The following RHEB variants were observed in gnomAD, a reference collection of about 807,000 sequenced individuals.
RHEB encodes the protein GTP-binding protein Rheb.
A neutral mutation model predicts 28.8 loss-of-function variants in RHEB; 2 were observed. That is an observed-to-expected ratio of 0.07 (90% confidence interval 0.03 to 0.22). RHEB has a LOEUF of 0.22. RHEB is among the 10% of genes least tolerant of loss of function. RHEB has a pLI of 1.00. For synonymous variants in RHEB, 69 were observed against 77.3 expected (o/e 0.89, Z 0.56); for missense variants, 76 against 219.9 (o/e 0.35, Z 4.14).
chr7:151,476,777 T>C (rs1802279608), intron 4 of RHEB, among the ~76,000 whole-genome samples: 1 of 152,208 alleles, frequency 6.6e-6, no homozygotes, highest in Non-Finnish European at 1.5e-5. Flanking sequence ...GCTGTTCTGT[T>C]AACAGACACA....
At chr7:151,480,174 T>C (rs1277792886) in intron 3 of RHEB, among the ~76,000 whole-genome samples, 2 of 152,188 alleles carry the variant, frequency 1.3e-5, no homozygotes, top group African/African-American at 4.8e-5. Context: ...AGTTTTCCTA[T>C]GTGCATTATT....
rs555074220 is a variant in RHEB at position 151,491,692 on chromosome 7, G to A, written c.53-678C>T. ...GCAGAGGCTGCAGTGGGCCAAGATT[G>A]CACCACTGCACTCAAGCCTGGGCGA... On this transcript the variant is annotated intron_variant, in intron 1 of 7. Coordinates refer to ENST00000262187, the MANE Select transcript of RHEB (RefSeq NM_005614.4). Among the ~76,000 whole-genome samples, 11 of 151,560 alleles carry A rather than the reference G, an allele frequency of 7.3e-5. No homozygotes were observed. The East Asian group carries it at 2.1e-3, about 29-fold the overall frequency.
intron 1 of RHEB, chr7:151,503,034 A>T: frequency 1.3e-6 from 1 of 786,004 alleles, no homozygotes; most frequent in Non-Finnish European, 2.4e-6. Context: ...TACTTTGATG[A>T]AATCACCCAG....
intron 1 of RHEB, chr7:151,502,302 C>G (rs1373225697): frequency 2.7e-6 from 2 of 754,554 alleles, no homozygotes; most frequent in Non-Finnish European, 4.7e-6. Flanking sequence ...CTGATCATTC[C>G]TCCCAAAGAC....
chr7:151,468,230 A>C lies in RHEB; in HGVS notation c.463-1019T>G, dbSNP rs1802099332. Among the ~76,000 whole-genome samples, 1 of 152,210 alleles carries C rather than the reference A, an allele frequency of 6.6e-6. No individual in the cohort carries two copies. The highest frequency in any genetic ancestry group is 2.4e-5 in the African/African-American group (1 of 41,466). ...GCTCTTTCTCTAGCTATCCTGAAGC[A>C]ACAATTCTCAGCCCCACAAGGGGCC... On this transcript the variant is annotated intron_variant, in intron 7 of 7. Coordinates refer to ENST00000262187, the MANE Select transcript of RHEB (RefSeq NM_005614.4). This position sits in a 1 kb window ranked among gnomAD's most constrained non-coding sequence, Gnocchi z 4.3.
At chr7:151,517,572 C>T (rs1269421496) in intron 1 of RHEB, among the ~76,000 whole-genome samples, 1 of 151,174 alleles carries the variant, frequency 6.6e-6, no homozygotes, top group Admixed American at 6.6e-5. Context: ...TAACAAGCAA[C>T]AGTTTGTGAG....
chr7:151,508,409 G>T (rs1235339911), intron 1 of RHEB, among the ~76,000 whole-genome samples: 1 of 152,164 alleles, frequency 6.6e-6, no homozygotes, highest in Non-Finnish European at 1.5e-5. Context: ...TAATATGGCA[G>T]CCAGTAGCCA....
chr7:151,502,958 A>G lies in RHEB; in HGVS notation c.53-11944T>C, dbSNP rs930327146. On this transcript the variant is annotated intron_variant, in intron 1 of 7. Coordinates refer to ENST00000262187, the MANE Select transcript of RHEB (RefSeq NM_005614.4). ...TGGTGAAAATGGATTCAATCAAGCT[A>G]CTGAGTTATCTACTGAAGTCCTCTC... 53 of 784,706 alleles carry G rather than the reference A, an allele frequency of 6.8e-5. 1 individual carries two copies. The highest frequency in any genetic ancestry group is 5.4e-4 in the South Asian group (40 of 74,352). 48.6% of individuals were successfully genotyped at this position (784,706 alleles called of 1,614,324 possible).
chr7:151,482,565 T>C (rs1802397837), intron 3 of RHEB, among the ~76,000 whole-genome samples: 1 of 152,190 alleles, frequency 6.6e-6, no homozygotes, highest in South Asian at 2.1e-4. Context: ...ATGAAAGTGA[T>C]TTATCAATTT....
At chr7:151,480,344 A>G (rs1224618449) in intron 3 of RHEB, among the ~76,000 whole-genome samples, 1 of 152,150 alleles carries the variant, frequency 6.6e-6, no homozygotes, top group Non-Finnish European at 1.5e-5. Context: ...ATAGGTATTG[A>G]TATGGAATAA....
chr7:151,497,937 A>G (rs752485441), intron 1 of RHEB, among the ~76,000 whole-genome samples: 9 of 152,224 alleles, frequency 5.9e-5, no homozygotes, highest in Non-Finnish European at 1.3e-4. Flanking sequence ...TAAAAATCCA[A>G]CGGGGCATAT....
chr7:151,480,593 A>AT (rs977579457), intron 3 of RHEB, among the ~76,000 whole-genome samples: 53 of 152,074 alleles, frequency 3.5e-4, no homozygotes, highest in African/African-American at 1.2e-3. Context: ...CATTACACCT[A>AT]TTTTTTAAAA....
At chr7:151,482,113 G>A (rs778547625) in intron 3 of RHEB, among the ~76,000 whole-genome samples, 11 of 152,162 alleles carry the variant, frequency 7.2e-5, no homozygotes, top group Non-Finnish European at 1.3e-4. Context: ...ATATGCTGGC[G>A]TCACACTTGC....
intron 1 of RHEB, chr7:151,498,155 G>T: frequency 7.8e-7 from 1 of 1,289,712 alleles, no homozygotes; most frequent in South Asian, 1.2e-5. Context: ...ACTCACAACA[G>T]GTGCGTAGGT....
intron 1 of RHEB, among the ~76,000 whole-genome samples, chr7:151,508,622 G>T (rs1474025745): frequency 6.8e-6 from 1 of 147,346 alleles, no homozygotes. Context: ...ATTACATTAG[G>T]TTATATTTTT....
intron 1 of RHEB, among the ~76,000 whole-genome samples, chr7:151,512,035 G>A (rs372624715): frequency 5.9e-5 from 9 of 152,308 alleles, no homozygotes; most frequent in South Asian, 4.1e-4. Context: ...ATGACGTGAC[G>A]AAGATAGACC....
In RHEB at chr7:151,489,215, T is replaced by C. The variant is rs1802535088; in HGVS notation, c.124+1728A>G. On this transcript the variant is annotated intron_variant, in intron 2 of 7. Transcript: ENST00000262187. ...AATACAATTCCAAAATGAACCTTAT[T>C]ATTTCAAGGATCTAAAATCCTAAAT... 2.0e-5 allele frequency among the ~76,000 whole-genome samples: 3 copies of C among 152,238 alleles called. 1 individual carries two copies. Among genetic ancestry groups the C allele is most frequent in the South Asian group, 4.1e-4 (2 of 4,830 alleles).
chr7:151,474,229 A>G (rs1802225684), intron 4 of RHEB, among the ~76,000 whole-genome samples: 1 of 151,866 alleles, frequency 6.6e-6, no homozygotes, highest in African/African-American at 2.4e-5. Flanking sequence ...CTCAGGCTGA[A>G]GTGCAATGGC....
chr7:151,515,870 T>C (rs1478104251), intron 1 of RHEB, among the ~76,000 whole-genome samples: 1 of 152,224 alleles, frequency 6.6e-6, no homozygotes, highest in Non-Finnish European at 1.5e-5. Context: ...CCCTATGATC[T>C]TTCACATGCC....
Sources: gnomAD v4.1 joint callset for allele counts (sites outside exome capture counted in the v4.1 genomes callset) on GRCh38, gnomAD v4.1.1 for gene constraint, Gnocchi (gnomAD v3.1) non-coding constraint, MANE v1.5 for transcripts, NCBI Gene and HGNC (gene_info 2026-07-23, HGNC 2026-07-21) for gene names.